AKR1C8: variants seen among roughly 807,000 people sequenced by gnomAD.
AKR1C8 encodes the protein aldo-keto reductase family 1 member C-like protein 1.
chr10:5,161,999 G>T, the AKR1C8 span: 5 of 526,904 alleles, frequency 9.5e-6, no homozygotes, highest in Admixed American at 6.0e-5. Flanking sequence ...AAACAAAAAT[G>T]GATTATAATT....
the AKR1C8 span, among the ~76,000 whole-genome samples, chr10:5,151,919 G>T: frequency 6.6e-6 from 1 of 152,230 alleles, no homozygotes; most frequent in Admixed American, 6.5e-5. Flanking sequence ...AAAGGCCAAT[G>T]ACCACTCTGG....
chr10:5,182,346 T>A, the AKR1C8 span, among the ~76,000 whole-genome samples: 1 of 152,106 alleles, frequency 6.6e-6, no homozygotes, highest in Admixed American at 6.5e-5. Context: ...CCGAAACCAA[T>A]AAAAACCTCT....
At chr10:5,171,896 C>A in the AKR1C8 span, among the ~76,000 whole-genome samples, 1 of 152,060 alleles carries the variant, frequency 6.6e-6, no homozygotes. Flanking sequence ...AATCTTTTTA[C>A]CAAAAGTATA....
the AKR1C8 span, among the ~76,000 whole-genome samples, chr10:5,175,073 T>A: frequency 1.3e-5 from 2 of 151,730 alleles, no homozygotes; most frequent in African/African-American, 2.4e-5. Context: ...ACCCATTAAC[T>A]CGTCATTTAG....
At chr10:5,177,438 C>T in the AKR1C8 span, among the ~76,000 whole-genome samples, 1 of 152,090 alleles carries the variant, frequency 6.6e-6, no homozygotes, top group Admixed American at 6.5e-5. Context: ...GTCTAAAATT[C>T]TCTTTTTTTG....
chr10:5,182,634 G>C, the AKR1C8 span, among the ~76,000 whole-genome samples: 2 of 152,160 alleles, frequency 1.3e-5, no homozygotes, highest in Admixed American at 6.5e-5. Flanking sequence ...GTAAGGCCAG[G>C]TGTGGTGGCT....
At chr10:5,141,519 A>G in the AKR1C8 span, among the ~76,000 whole-genome samples, 4 of 152,194 alleles carry the variant, frequency 2.6e-5, no homozygotes, top group East Asian at 1.9e-4. Flanking sequence ...CAGAAGAATC[A>G]TTATCTACAG....
chr10:5,159,602 C>T, the AKR1C8 span, among the ~76,000 whole-genome samples: 1 of 152,118 alleles, frequency 6.6e-6, no homozygotes, highest in East Asian at 1.9e-4. Context: ...TGACTCCAAA[C>T]ATCTGTATCT....
chr10:5,162,033 A>C, the AKR1C8 span: 2 of 498,298 alleles, frequency 4.0e-6, no homozygotes, highest in Admixed American at 2.2e-5. Flanking sequence ...GACAAAAATT[A>C]AACTTCATGG....
the AKR1C8 span, among the ~76,000 whole-genome samples, chr10:5,165,532 C>T: frequency 6.6e-6 from 1 of 152,260 alleles, no homozygotes; most frequent in South Asian, 2.1e-4. Context: ...GCCACTTTCA[C>T]CAATCAGAAA....
At chr10:5,132,563 T>C in the AKR1C8 span, 1 of 1,450,184 alleles carries the variant, frequency 6.9e-7, no homozygotes, top group Non-Finnish European at 9.2e-7. Flanking sequence ...ACTATCACAT[T>C]AAATACATGT....
the AKR1C8 span, chr10:5,184,992 G>T: frequency 1.9e-6 from 1 of 534,232 alleles, no homozygotes; most frequent in Admixed American, 1.9e-5. Context: ...AGAAACTTCA[G>T]CCTCCTGGGG....
chr10:5,184,429 C>T, the AKR1C8 span, among the ~76,000 whole-genome samples: 1 of 152,192 alleles, frequency 6.6e-6, no homozygotes, highest in Admixed American at 6.5e-5. Context: ...AACAGAATCG[C>T]AGTGGCTTCT....
At chr10:5,178,434 T>G in the AKR1C8 span, among the ~76,000 whole-genome samples, 1 of 152,152 alleles carries the variant, frequency 6.6e-6, no homozygotes. Flanking sequence ...TGTGGTGTGG[T>G]GCTGAAAAAA....
the AKR1C8 span, among the ~76,000 whole-genome samples, chr10:5,158,881 C>T: frequency 8.5e-5 from 13 of 152,330 alleles, no homozygotes; most frequent in Admixed American, 7.8e-4. Context: ...CCATCATTTG[C>T]CACACTGATA....
At chr10:5,119,815 A>G in the AKR1C8 span, among the ~76,000 whole-genome samples, 1 of 152,198 alleles carries the variant, frequency 6.6e-6, no homozygotes, top group African/African-American at 2.4e-5. Flanking sequence ...TGAAATAGAA[A>G]AAAGAATATT....
chr10:5,178,508 G>C, the AKR1C8 span, among the ~76,000 whole-genome samples: 2 of 152,166 alleles, frequency 1.3e-5, no homozygotes, highest in African/African-American at 4.8e-5. Flanking sequence ...GCTTGGTGCA[G>C]AGCTGAGTTC....
chr10:5,184,003 G>T, the AKR1C8 span, among the ~76,000 whole-genome samples: 1 of 152,176 alleles, frequency 6.6e-6, no homozygotes, highest in Non-Finnish European at 1.5e-5. Flanking sequence ...GTGGGCTCTG[G>T]TGGGCACTTT....
chr10:5,175,201 C>T, the AKR1C8 span, among the ~76,000 whole-genome samples: 303 of 149,850 alleles, frequency 2.0e-3, 1 homozygote, highest in African/African-American at 6.5e-3. Flanking sequence ...GTTCAATTCC[C>T]ACCTATGACT....
Sources: allele counts gnomAD v4.1 joint callset (sites outside exome capture counted in the v4.1 genomes callset), GRCh38; gene constraint gnomAD v4.1.1; transcripts MANE v1.5; gene names NCBI Gene and HGNC (gene_info 2026-07-23, HGNC 2026-07-21).